Variants in DLGAP2 observed in about 807,000 individuals in gnomAD.
The protein encoded by DLGAP2 is disks large-associated protein 2.
A neutral mutation model predicts 100.3 loss-of-function variants in DLGAP2; 26 were observed. The ratio of observed to expected loss-of-function variants is 0.26; its 90% CI spans 0.19 to 0.36. DLGAP2 has a LOEUF of 0.36. DLGAP2 is among the 10% of genes least tolerant of loss of function. The pLI, the probability that DLGAP2 is intolerant of heterozygous loss-of-function variation, is 1.00. For synonymous variants in DLGAP2, 886 were observed against 630.1 expected, an observed-to-expected ratio of 1.41 and a Z score of -6.08; for missense variants, 1,858 against 1,453.2, an observed-to-expected ratio of 1.28 and a Z score of -4.53.
Position 1,580,854 on chromosome 8 carries a change from C to T in DLGAP2, c.1442+14960C>T, listed in dbSNP as rs115618722. Among the ~76,000 whole-genome samples the T allele has an allele frequency of 2.0e-5, 3 of 151,342 alleles. No homozygotes were observed. The South Asian group carries it at 6.3e-4, about 32-fold the overall frequency. On this transcript the variant is annotated intron_variant, in intron 6 of 14. Coordinates refer to ENST00000637795, the MANE Select transcript of DLGAP2 (RefSeq NM_001346810.2). Reference sequence around the variant, plus strand: ...AGACAAAACCCCACACATCTACACACCATAGTCGAACTACCAGAAGTGAAG... The same window carrying T: ...AGACAAAACCCCACACATCTACACATCATAGTCGAACTACCAGAAGTGAAG...
chr8:1,007,428 C>T (rs1411781935), intron 2 of DLGAP2, among the ~76,000 whole-genome samples: 1 of 152,252 alleles, frequency 6.6e-6, no homozygotes, highest in Non-Finnish European at 1.5e-5. Context: ...TATTGGCCAT[C>T]ATGGCCCATT....
intron 6 of DLGAP2, among the ~76,000 whole-genome samples, chr8:1,605,114 C>T (rs1396839648): frequency 6.6e-6 from 1 of 152,098 alleles, no homozygotes; most frequent in Non-Finnish European, 1.5e-5. Flanking sequence ...AGGATGCAGG[C>T]CAGGCACCAT....
At chr8:1,017,650 T>G (rs904992977) in intron 2 of DLGAP2, among the ~76,000 whole-genome samples, 1 of 151,978 alleles carries the variant, frequency 6.6e-6, no homozygotes, top group Non-Finnish European at 1.5e-5. Context: ...AGATGACACC[T>G]CCACTGTGTG....
intron 2 of DLGAP2, among the ~76,000 whole-genome samples, chr8:1,230,651 A>G (rs1035315900): frequency 1.3e-5 from 2 of 152,230 alleles, no homozygotes; most frequent in Non-Finnish European, 1.5e-5. Flanking sequence ...CACTGGTACA[A>G]AAACAGACAC....
chr8:919,764 C>A (rs1172073378), intron 2 of DLGAP2, among the ~76,000 whole-genome samples: 2 of 152,158 alleles, frequency 1.3e-5, no homozygotes, highest in Non-Finnish European at 2.9e-5. Context: ...GCCTCTCTTT[C>A]CTCTGCAGGA....
intron 1 of DLGAP2, among the ~76,000 whole-genome samples, chr8:892,618 C>T (rs546007326): frequency 3.9e-4 from 59 of 152,278 alleles, no homozygotes; most frequent in African/African-American, 1.2e-3. Flanking sequence ...GGTTTAGCTG[C>T]GTGGCTTCCC....
intron 2 of DLGAP2, among the ~76,000 whole-genome samples, chr8:1,115,566 A>G (rs1211608580): frequency 6.6e-6 from 1 of 152,196 alleles, no homozygotes; most frequent in African/African-American, 2.4e-5. Context: ...CACACCATAG[A>G]TGCTGTAGAA....
intron 2 of DLGAP2, among the ~76,000 whole-genome samples, chr8:1,218,701 A>G (rs55735112): frequency 0.079 from 12,048 of 152,144 alleles, 821 homozygotes; most frequent in African/African-American, 0.18. Context: ...ATAGCATTGA[A>G]TCTGTAAATT....
intron 1 of DLGAP2, among the ~76,000 whole-genome samples, chr8:772,202 C>T (rs890523092): frequency 2.0e-5 from 3 of 151,846 alleles, no homozygotes; most frequent in Non-Finnish European, 4.4e-5. Context: ...TGCCCAGCCT[C>T]ATCTGTAATT....
intron 2 of DLGAP2, among the ~76,000 whole-genome samples, chr8:939,940 G>A (rs1306232186): frequency 1.3e-5 from 2 of 152,028 alleles, no homozygotes; most frequent in South Asian, 2.1e-4. Context: ...CCTTCCCAGG[G>A]TGAACACGTA....
intron 1 of DLGAP2, among the ~76,000 whole-genome samples, chr8:766,121 T>A (rs1821209724): frequency 6.6e-6 from 1 of 152,106 alleles, no homozygotes; most frequent in South Asian, 2.1e-4. Flanking sequence ...GAGTCGAGAT[T>A]GTGCCATTAC....
intron 2 of DLGAP2, among the ~76,000 whole-genome samples, chr8:1,203,549 G>A (rs1188324707): frequency 9.2e-5 from 14 of 152,222 alleles, no homozygotes; most frequent in Admixed American, 8.5e-4. Flanking sequence ...AGATGCTAAA[G>A]GTTCTCTTTT....
intron 3 of DLGAP2, among the ~76,000 whole-genome samples, chr8:1,445,217 T>C (rs1301640454): frequency 6.8e-6 from 1 of 147,126 alleles, no homozygotes; most frequent in African/African-American, 2.5e-5. Flanking sequence ...TAGGTATATC[T>C]CCTAATGCTA....
chr8:1,023,593 T>C (rs757150666), intron 2 of DLGAP2, among the ~76,000 whole-genome samples: 1 of 151,050 alleles, frequency 6.6e-6, no homozygotes, highest in Non-Finnish European at 1.5e-5. Context: ...AGCGCAACAG[T>C]GTCGGCAGGC....
chr8:892,859 A>G (rs1232304232), intron 1 of DLGAP2, among the ~76,000 whole-genome samples: 3 of 152,122 alleles, frequency 2.0e-5, no homozygotes, highest in African/African-American at 7.2e-5. Flanking sequence ...ATGTTAGATG[A>G]ATGCAGTTTC....
At chr8:1,456,944 C>T (rs576824236) in intron 3 of DLGAP2, among the ~76,000 whole-genome samples, 4 of 152,346 alleles carry the variant, frequency 2.6e-5, no homozygotes, top group African/African-American at 9.6e-5. Flanking sequence ...TCAGTGACAA[C>T]ACATCACAGC....
At chr8:1,600,262 C>G (rs1347566179) in intron 6 of DLGAP2, among the ~76,000 whole-genome samples, 1 of 152,104 alleles carries the variant, frequency 6.6e-6, no homozygotes, top group Non-Finnish European at 1.5e-5. Flanking sequence ...AATGGGCTTC[C>G]CTTTGTGGGT....
intron 3 of DLGAP2, among the ~76,000 whole-genome samples, chr8:1,465,956 G>T (rs1477066582): frequency 1.3e-5 from 2 of 152,214 alleles, no homozygotes. Context: ...GAAAGGAGCA[G>T]TGAACGGAGT....
At position 843,309 on chromosome 8, in the gene DLGAP2, G is replaced by C. The variant is rs1247798380; in HGVS notation, c.19-64603G>C. On this transcript the variant is annotated intron_variant, in intron 1 of 14. Coordinates refer to ENST00000637795, the MANE Select transcript of DLGAP2 (RefSeq NM_001346810.2). ...TCCCTGCCCCTGGTTTTATTGACGTGTTTTTCCCTCAGTCCTATTATCATC... is the reference window on the plus strand; with the variant it reads ...TCCCTGCCCCTGGTTTTATTGACGTCTTTTTCCCTCAGTCCTATTATCATC... Among the ~76,000 whole-genome samples the C allele has an allele frequency of 3.3e-5, 5 of 152,192 alleles. No individual in the cohort carries two copies. The East Asian group carries it at 7.7e-4, about 23-fold the overall frequency.
Sources: gnomAD v4.1 joint callset for allele counts (sites outside exome capture counted in the v4.1 genomes callset) on GRCh38, gnomAD v4.1.1 for gene constraint, MANE v1.5 for transcripts, NCBI Gene and HGNC (gene_info 2026-07-23, HGNC 2026-07-21) for gene names.